Variants in ST6GALNAC3 observed in about 807,000 individuals in gnomAD.
ST6GALNAC3 encodes alpha-N-acetylgalactosaminide alpha-2,6-sialyltransferase 3.
A neutral mutation model predicts 32.7 loss-of-function variants in ST6GALNAC3; 25 were observed. The ratio of observed to expected loss-of-function variants is 0.76; its 90% CI spans 0.56 to 1.07. The LOEUF is 1.07. Ranked by LOEUF, ST6GALNAC3 falls within the 50% of genes least tolerant of loss-of-function variation. ST6GALNAC3 has a pLI of 0.00. For synonymous variants in ST6GALNAC3, 129 were observed against 133.1 expected (o/e 0.97, Z 0.21); for missense variants, 355 against 382.4 (o/e 0.93, Z 0.60).
At chr1:76,198,810 A>G (rs953424122) in intron 1 of ST6GALNAC3, among the ~76,000 whole-genome samples, 4 of 152,164 alleles carry the variant, frequency 2.6e-5, no homozygotes, top group African/African-American at 4.8e-5. Context: ...ATCTGTAGGT[A>G]GAGTTCGGTT....
chr1:76,085,808 C>T (rs906733681), intron 1 of ST6GALNAC3, among the ~76,000 whole-genome samples: 20 of 152,174 alleles, frequency 1.3e-4, no homozygotes, highest in African/African-American at 4.8e-4. Context: ...ATGGAAATTG[C>T]AGAGCATGGA....
At chr1:76,557,438 G>A (rs566721647) in intron 3 of ST6GALNAC3, among the ~76,000 whole-genome samples, 7 of 152,080 alleles carry the variant, frequency 4.6e-5, no homozygotes, top group South Asian at 2.1e-4. Flanking sequence ...AAACTCTCCA[G>A]GCAAAACTAA....
chr1:76,320,270 G>A (rs954957417), intron 2 of ST6GALNAC3, among the ~76,000 whole-genome samples: 1 of 152,172 alleles, frequency 6.6e-6, no homozygotes, highest in Admixed American at 6.5e-5. Context: ...GACACTATAT[G>A]GAAAGCTACA....
chr1:76,269,160 A>G (rs1658701207), intron 1 of ST6GALNAC3, among the ~76,000 whole-genome samples: 1 of 152,176 alleles, frequency 6.6e-6, no homozygotes, highest in Admixed American at 6.5e-5. Context: ...TGTGGTGGAT[A>G]CTGTGGGTCA....
intron 1 of ST6GALNAC3, among the ~76,000 whole-genome samples, chr1:76,238,143 C>T (rs1295864300): frequency 6.6e-6 from 1 of 152,238 alleles, no homozygotes; most frequent in Admixed American, 6.5e-5. Flanking sequence ...CTTGCAATTT[C>T]TTCCCAGCCC....
intron 1 of ST6GALNAC3, among the ~76,000 whole-genome samples, chr1:76,200,121 TATA>T (rs975945003): frequency 2.6e-5 from 4 of 152,306 alleles, no homozygotes; most frequent in African/African-American, 9.6e-5. Context: ...AACTTTTTTG[TATA>T]ATAAAACTTT....
chr1:76,151,855 C>G (rs901909290), intron 1 of ST6GALNAC3, among the ~76,000 whole-genome samples: 1 of 152,176 alleles, frequency 6.6e-6, no homozygotes, highest in African/African-American at 2.4e-5. Flanking sequence ...ATTGTCTCTA[C>G]AGAGGATGAA....
At chr1:76,243,828 C>A (rs896208057) in intron 1 of ST6GALNAC3, among the ~76,000 whole-genome samples, 1 of 152,110 alleles carries the variant, frequency 6.6e-6, no homozygotes, top group Admixed American at 6.6e-5. Context: ...GGTACCAGTA[C>A]CATGCTGTTT....
chr1:76,164,031 C>T (rs973988843), intron 1 of ST6GALNAC3, among the ~76,000 whole-genome samples: 2 of 152,262 alleles, frequency 1.3e-5, no homozygotes, highest in Middle Eastern at 3.4e-3. Flanking sequence ...GGAGTTCCCA[C>T]CCTCCTACCC....
intron 1 of ST6GALNAC3, among the ~76,000 whole-genome samples, chr1:76,227,635 G>A (rs1437988312): frequency 6.6e-6 from 1 of 152,104 alleles, no homozygotes; most frequent in Admixed American, 6.6e-5. Flanking sequence ...CCAATTACTG[G>A]AATGTATTTT....
chr1:76,294,767 G>A (rs1348751190), intron 1 of ST6GALNAC3, among the ~76,000 whole-genome samples: 1 of 152,062 alleles, frequency 6.6e-6, no homozygotes, highest in African/African-American at 2.4e-5. Context: ...GTATGTGGTA[G>A]CATGTTGTTA....
intron 3 of ST6GALNAC3, among the ~76,000 whole-genome samples, chr1:76,597,205 G>T (rs899645560): frequency 4.6e-5 from 7 of 152,126 alleles, no homozygotes; most frequent in Admixed American, 2.6e-4. Flanking sequence ...GAGAGCCGAG[G>T]AATTCCACTT....
intron 1 of ST6GALNAC3, among the ~76,000 whole-genome samples, chr1:76,309,258 T>C (rs763843757): frequency 7.9e-5 from 12 of 152,308 alleles, no homozygotes; most frequent in Non-Finnish European, 1.6e-4. Context: ...GTGTCTTTTA[T>C]GGTTTTATTT....
rs567485602 is a variant in ST6GALNAC3, at chr1:76,416,709, C to A, written c.623+4292C>A. Among the ~76,000 whole-genome samples, 11 of 140,216 alleles carry A rather than the reference C, an allele frequency of 7.8e-5. No individual in the cohort carries two copies. The South Asian group carries it at 2.7e-3, about 35-fold the overall frequency. The allele number at this position is 140,216 out of a possible 152,430, so 92.0% of individuals were successfully genotyped here. On this transcript the variant is annotated intron_variant, in intron 3 of 4. Coordinates refer to ENST00000328299, the MANE Select transcript of ST6GALNAC3 (RefSeq NM_152996.4). ...GTGGCATGATCTCTGTTCACTACAACCTCCGCCTCCCAGGTTCAAGTGATT... is the reference window on the plus strand; with the variant it reads ...GTGGCATGATCTCTGTTCACTACAAACTCCGCCTCCCAGGTTCAAGTGATT...
intron 2 of ST6GALNAC3, among the ~76,000 whole-genome samples, chr1:76,395,745 C>G (rs1369340764): frequency 2.0e-5 from 3 of 152,148 alleles, no homozygotes; most frequent in Non-Finnish European, 4.4e-5. Context: ...GCACATGTTC[C>G]TACCCATATG....
At chr1:76,376,972 A>C (rs988144831) in intron 2 of ST6GALNAC3, among the ~76,000 whole-genome samples, 2 of 152,118 alleles carry the variant, frequency 1.3e-5, no homozygotes, top group Admixed American at 6.5e-5. Flanking sequence ...ATCTATGTGA[A>C]TTATATTCCT....
intron 1 of ST6GALNAC3, among the ~76,000 whole-genome samples, chr1:76,279,644 G>A (rs1245230805): frequency 6.6e-6 from 1 of 152,174 alleles, no homozygotes; most frequent in Non-Finnish European, 1.5e-5. Context: ...GCCTGGAGTC[G>A]TGTCTGCCGG....
chr1:76,242,810 T>C (rs1189287406), intron 1 of ST6GALNAC3, among the ~76,000 whole-genome samples: 2 of 152,200 alleles, frequency 1.3e-5, no homozygotes, highest in Non-Finnish European at 2.9e-5. Flanking sequence ...CTGCATAGTA[T>C]TCCATGGTGT....
intron 2 of ST6GALNAC3, among the ~76,000 whole-genome samples, chr1:76,360,273 C>A (rs962199126): frequency 1.3e-5 from 2 of 152,098 alleles, no homozygotes; most frequent in African/African-American, 4.8e-5. Context: ...ACAACTTCAG[C>A]CTGTTTATCC....
Sources: gnomAD v4.1 joint callset for allele counts (sites outside exome capture counted in the v4.1 genomes callset) on GRCh38, gnomAD v4.1.1 for gene constraint, MANE v1.5 for transcripts, NCBI Gene and HGNC (gene_info 2026-07-23, HGNC 2026-07-21) for gene names.